Variants in CTC1 observed in about 807,000 individuals in gnomAD.
CTC1 encodes the protein CST telomere replication complex component 1.
CTC1 carries 91 observed loss-of-function variants against 136.3 expected under a neutral mutation model. That is an observed-to-expected ratio of 0.67 (90% CI 0.56 to 0.79). The LOEUF is 0.79. Among genes scored for constraint, CTC1 ranks in the 30% least tolerant of loss-of-function variants. CTC1 has a pLI of 0.00. For synonymous variants in CTC1, 606 were observed against 613.8 expected, an observed-to-expected ratio of 0.99 and a Z score of 0.19; for missense variants, 1,432 against 1,498.1, an observed-to-expected ratio of 0.96 and a Z score of 0.73.
chr17:8,234,008 T>G (rs1307267652), intron 10 of CTC1, among the ~76,000 whole-genome samples: 2 of 152,196 alleles, frequency 1.3e-5, no homozygotes, highest in African/African-American at 4.8e-5. Flanking sequence ...TTTTTTTTCC[T>G]GAGTCTTGCT....
At position 8,229,482 on chromosome 17, in the gene CTC1, G is replaced by T. The variant is rs764832405; in HGVS notation, c.3012-36C>A. 8.2e-6 allele frequency: 13 copies of T among 1,594,770 alleles called. No homozygotes were observed. The South Asian group carries it at 8.9e-5, about 11-fold the overall frequency. On this transcript the variant is annotated intron_variant, in intron 18 of 22. Coordinates refer to ENST00000651323, the MANE Select transcript of CTC1 (RefSeq NM_025099.6). ...ACAGGGAGACAGAGACAGGGGTCAAGATAACAGAACAGGCAAAGGGGTTCT... is the reference window on the plus strand; with the variant it reads ...ACAGGGAGACAGAGACAGGGGTCAATATAACAGAACAGGCAAAGGGGTTCT...
In CTC1 at chr17:8,235,290, G is replaced by C. The variant is rs774354121; in HGVS notation, c.1207-5C>G. ...GAGCAGGTGAACATCCTGGAGCTGG[G>C]GGAAAGCAGAGAAAATGAAAAAGCA... On this transcript the variant is annotated splice_polypyrimidine_tract_variant and splice_region_variant and intron_variant, in intron 7 of 22. Transcript: ENST00000651323. 7 of 1,606,636 alleles carry C rather than the reference G, an allele frequency of 4.4e-6. No individual in the cohort carries two copies. The East Asian group carries it at 1.3e-4, about 31-fold the overall frequency.
Position 8,227,931 on chromosome 17 carries a change from G to T in CTC1, c.*249C>A, listed in dbSNP as rs1056804143. Reference sequence around the variant, plus strand: ...GACAAAGTCAGAACCCAGGTGCTCAGGGCCGCCTGTGAATGCAGGTGCCTT... The same window carrying T: ...GACAAAGTCAGAACCCAGGTGCTCATGGCCGCCTGTGAATGCAGGTGCCTT... On this transcript the variant is annotated 3_prime_UTR_variant, in exon 23 of 23. Transcript: ENST00000651323. 9.3e-6 allele frequency: 4 copies of T among 430,956 alleles called. No individual in the cohort carries two copies. Among genetic ancestry groups the T allele is most frequent in the Non-Finnish European group, 1.7e-5 (4 of 235,240 alleles). The allele number at this position is 430,956 out of a possible 1,614,324, so 26.7% of individuals were successfully genotyped here.
Position 8,230,180 on chromosome 17 carries a change from T to C in CTC1, c.2933+114A>G, listed in dbSNP as rs889448625. The C allele has an allele frequency of 2.7e-5, 31 of 1,146,704 alleles. No individual in the cohort carries two copies. In the Admixed American group the frequency reaches 6.2e-4, roughly 23 times the overall value. The allele number at this position is 1,146,704 out of a possible 1,614,324, so 71.0% of individuals were successfully genotyped here. On this transcript the variant is annotated intron_variant, in intron 17 of 22. Coordinates refer to ENST00000651323, the MANE Select transcript of CTC1 (RefSeq NM_025099.6). ...GCTGGGCACAAATGGCAGACTGATA[T>C]ATGGAAACCTGTATGAAAGAGAAGG...
chr17:8,237,623 C>T, intron 4 of CTC1, 104 bp from the exon 5 acceptor site: 1 of 616,156 alleles, frequency 1.6e-6, no homozygotes, highest in South Asian at 1.9e-5. Context: ...TGAGATCCCG[C>T]CATTGGACTC....
In CTC1 at chr17:8,226,678, T is replaced by A. The variant is rs532198935; in HGVS notation, c.*1502A>T. The A allele has an allele frequency of 6.6e-6, 1 of 152,146 alleles. No homozygotes were observed. Among genetic ancestry groups the A allele is most frequent in the Non-Finnish European group, 1.5e-5 (1 of 68,028 alleles). 9.4% of individuals were successfully genotyped at this position (152,146 alleles called of 1,614,324 possible). On this transcript the variant is annotated 3_prime_UTR_variant, in exon 23 of 23. Transcript: ENST00000651323. ...ATTTCTAGTCCATCGCCTTAACCAC[T>A]CGGCCACGACTACGAGGCTTAGGGC...
intron 1 of CTC1, chr17:8,247,587 G>C (rs771926694): frequency 5.9e-6 from 1 of 169,384 alleles, no homozygotes; most frequent in Non-Finnish European, 1.3e-5. Flanking sequence ...TGGATTACAA[G>C]CGTGAGCCAC....
At chr17:8,246,442 T>C (rs1323346857) in intron 1 of CTC1, among the ~76,000 whole-genome samples, 1 of 152,156 alleles carries the variant, frequency 6.6e-6, no homozygotes, top group African/African-American at 2.4e-5. Flanking sequence ...GCAGCACACA[T>C]GCCCAACACT....
At chr17:8,237,826 C>T (rs951210587) in intron 4 of CTC1, among the ~76,000 whole-genome samples, 7 of 151,972 alleles carry the variant, frequency 4.6e-5, no homozygotes, top group African/African-American at 1.7e-4. Context: ...TAAAAACCTT[C>T]AAAATTCTCT....
Position 8,236,244 on chromosome 17 carries a change from A to T in CTC1, c.891T>A (p.His297Gln), listed in dbSNP as rs1987714519. Residue 297 changes from histidine to glutamine, a missense_variant, in exon 6 of 23, where the codon CAT becomes CAA. By Grantham distance (24) the His-to-Gln change is conservative. Transcript: ENST00000651323. ...RVSKIRGQRQ[H>Q]VWMTSQSSRL... Reference sequence around the variant, plus strand: ...GGGAGGACTGACTGGTCATCCAAACATGCTGGCGCTGACCACGGATCTTGG... The same window carrying T: ...GGGAGGACTGACTGGTCATCCAAACTTGCTGGCGCTGACCACGGATCTTGG... 6.2e-7 allele frequency: 1 copy of T among 1,614,202 alleles called. No homozygotes were observed. Among genetic ancestry groups the T allele is most frequent in the Non-Finnish European group, 8.5e-7 (1 of 1,180,028 alleles).
At position 8,243,280 on chromosome 17, in the gene CTC1, G is replaced by A. The variant is rs566926842; in HGVS notation, c.34-132C>T. The A allele has an allele frequency of 1.2e-4, 88 of 754,970 alleles. 1 individual carries two copies. The Middle Eastern group carries it at 3.0e-3, about 26-fold the overall frequency. The allele number at this position is 754,970 out of a possible 1,614,324, so 46.8% of individuals were successfully genotyped here. A position where few individuals can be genotyped will look rare whatever the true frequency, so the allele number is the denominator to read the frequency against. ...CACGCCTGTAATCCCAACACTTTGG[G>A]AGGCTGAGGCAGGCGGATCACTTGA... On this transcript the variant is annotated intron_variant, in intron 1 of 22. Transcript: ENST00000651323.
At chr17:8,231,030 A>G (rs571842531) in intron 15 of CTC1, 2 of 488,234 alleles carry the variant, frequency 4.1e-6, no homozygotes, top group South Asian at 6.7e-5. Context: ...AATCCCAGCT[A>G]TTTGGGAGGC....
chr17:8,242,550 AAAAATATATAT>A (rs1319557102), intron 2 of CTC1, among the ~76,000 whole-genome samples: 3 of 54,734 alleles, frequency 5.5e-5, no homozygotes, highest in African/African-American at 1.4e-4. Flanking sequence ...AAAAAAAAAA[AAAAATATATAT>A]ATATATATAT....
chr17:8,238,304 G>T, intron 3 of CTC1, 62 bp from the exon 4 acceptor site: 8 of 1,560,652 alleles, frequency 5.1e-6, no homozygotes, highest in Non-Finnish European at 7.0e-6. Flanking sequence ...CCACCTCCCC[G>T]TTTGTTTCCT....
In CTC1 at chr17:8,234,536, G is replaced by C; in HGVS notation, c.1737C>G (p.Ser579=). The change falls in exon 10 of 23, where the codon TCC becomes TCG. Residue 579 remains serine (S), a synonymous_variant. Coordinates refer to ENST00000651323, the MANE Select transcript of CTC1 (RefSeq NM_025099.6). ...GATTGAGTTGGCAGCTGGGCAGGTAGGAGGCCTCCGGGAGGGGCAGAAGGG... is the reference window on the plus strand; with the variant it reads ...GATTGAGTTGGCAGCTGGGCAGGTACGAGGCCTCCGGGAGGGGCAGAAGGG... The part of the protein sequence containing the change: ...PKALLPLPEA[S]YLPSCQLNRR... 1 of 1,567,218 alleles carries C rather than the reference G, an allele frequency of 6.4e-7. No homozygotes were observed. The highest frequency in any genetic ancestry group is 8.7e-7 in the Non-Finnish European group (1 of 1,155,304).
intron 2 of CTC1, among the ~76,000 whole-genome samples, chr17:8,241,224 C>G (rs1268864848): frequency 6.6e-6 from 1 of 152,006 alleles, no homozygotes; most frequent in African/African-American, 2.4e-5. Flanking sequence ...GGAGGCAGAA[C>G]TTGCAGTGAG....
At chr17:8,247,975 G>A (rs1200186500) in intron 1 of CTC1, 29 bp downstream of exon 1, 1 of 1,604,690 alleles carries the variant, frequency 6.2e-7, no homozygotes. Flanking sequence ...CAAGAAAAAA[G>A]GAACAAGAGA....
chr17:8,239,964 G>T (rs1036314401), intron 2 of CTC1, among the ~76,000 whole-genome samples: 2 of 152,050 alleles, frequency 1.3e-5, no homozygotes, highest in Non-Finnish European at 2.9e-5. Context: ...TACTGAGTCT[G>T]GTCAGGCACA....
In CTC1 at chr17:8,228,092, A is replaced by T; in HGVS notation, c.*88T>A. Reference sequence around the variant, plus strand: ...TTTGTGAATCTGGAGTCCTTGGTTCAATCACAGAACAAGTAGGGAGAGGAG... The same window carrying T: ...TTTGTGAATCTGGAGTCCTTGGTTCTATCACAGAACAAGTAGGGAGAGGAG... On this transcript the variant is annotated 3_prime_UTR_variant, in exon 23 of 23. Coordinates refer to ENST00000651323, the MANE Select transcript of CTC1 (RefSeq NM_025099.6). 7.7e-7 allele frequency: 1 copy of T among 1,302,388 alleles called. No homozygotes were observed. The highest frequency in any genetic ancestry group is 1.1e-6 in the Non-Finnish European group (1 of 916,678). The allele number at this position is 1,302,388 out of a possible 1,614,324, so 80.7% of individuals were successfully genotyped here.
Sources: allele counts gnomAD v4.1 joint callset (sites outside exome capture counted in the v4.1 genomes callset), GRCh38; gene constraint gnomAD v4.1.1; transcripts MANE v1.5; gene names NCBI Gene and HGNC (gene_info 2026-07-23, HGNC 2026-07-21).